Variants in ELMO1 observed in about 807,000 individuals in gnomAD.
ELMO1 encodes the protein engulfment and cell motility 1, also known as engulfment and cell motility protein 1.
Under a neutral mutation model 98.9 loss-of-function variants are expected in ELMO1, and 26 were observed. That is an observed-to-expected ratio of 0.26 (90% CI 0.19 to 0.36). ELMO1 has a LOEUF of 0.36. Among genes scored for constraint, ELMO1 ranks in the 10% least tolerant of loss-of-function variants. The pLI, the probability that ELMO1 is intolerant of heterozygous loss-of-function variation, is 1.00. For synonymous variants in ELMO1, 346 were observed against 346.0 expected (o/e 1.00, Z 0.00); for missense variants, 627 against 935.2 (o/e 0.67, Z 4.30).
chr7:37,033,625 G>T (rs142381154), intron 15 of ELMO1, among the ~76,000 whole-genome samples: 1 of 152,308 alleles, frequency 6.6e-6, no homozygotes, highest in African/African-American at 2.4e-5. Context: ...AATATCTGAT[G>T]AAATGAGGCA....
chr7:36,875,709 G>C (rs1051474400), intron 19 of ELMO1, among the ~76,000 whole-genome samples: 1 of 152,116 alleles, frequency 6.6e-6, no homozygotes, highest in Non-Finnish European at 1.5e-5. Context: ...TCTAGTTCCA[G>C]GTTAGTTATT....
chr7:37,094,401 C>T (rs1228136124), intron 15 of ELMO1, among the ~76,000 whole-genome samples: 1 of 152,196 alleles, frequency 6.6e-6, no homozygotes, highest in African/African-American at 2.4e-5. Flanking sequence ...GCCCTGATTC[C>T]TGGATTGACC....
At chr7:36,910,438 G>T (rs182408421) in intron 16 of ELMO1, among the ~76,000 whole-genome samples, 2 of 152,180 alleles carry the variant, frequency 1.3e-5, no homozygotes, top group Admixed American at 1.3e-4. Context: ...TGCAGGATGG[G>T]TATAATCTCA....
chr7:37,141,044 GGAAAA>G (rs1282674291), intron 13 of ELMO1, among the ~76,000 whole-genome samples: 3 of 152,124 alleles, frequency 2.0e-5, no homozygotes, highest in African/African-American at 7.2e-5. Flanking sequence ...TTTACCCAGA[GGAAAA>G]GAAGTCATTA....
intron 14 of ELMO1, among the ~76,000 whole-genome samples, chr7:37,100,823 A>T (rs1784598520): frequency 6.6e-6 from 1 of 152,246 alleles, no homozygotes; most frequent in Admixed American, 6.5e-5. Context: ...CAAAGCAGCT[A>T]TGAGAAGCAC....
chr7:37,279,045 C>CA (rs1458405434), intron 4 of ELMO1, among the ~76,000 whole-genome samples: 1 of 151,838 alleles, frequency 6.6e-6, no homozygotes, highest in Non-Finnish European at 1.5e-5. Context: ...AATAAAAACA[C>CA]AAAAAAATTA....
At chr7:37,104,010 C>CAAA (rs35979251) in intron 14 of ELMO1, among the ~76,000 whole-genome samples, 678 of 28,988 alleles carry the variant, frequency 0.023, 167 homozygotes, top group Non-Finnish European at 0.035. Context: ...GACTCCATCT[C>CAAA]AAAAAAAAAA....
chr7:37,338,420 A>G (rs1022320483), intron 2 of ELMO1, among the ~76,000 whole-genome samples: 1 of 152,186 alleles, frequency 6.6e-6, no homozygotes, highest in African/African-American at 2.4e-5. Context: ...ATTTATGAGG[A>G]ACAAGCCCTC....
chr7:37,367,791 G>C (rs1012601743), intron 1 of ELMO1, among the ~76,000 whole-genome samples: 2 of 151,970 alleles, frequency 1.3e-5, no homozygotes, highest in African/African-American at 4.8e-5. Context: ...ACCCAAATGA[G>C]GTAATTTGCA....
chr7:37,118,039 T>G (rs1785719761), intron 14 of ELMO1, among the ~76,000 whole-genome samples: 1 of 152,234 alleles, frequency 6.6e-6, no homozygotes, highest in Non-Finnish European at 1.5e-5. Context: ...CAAAAAACTG[T>G]TGTGCACTAA....
At chr7:37,020,596 T>G (rs1794210162) in intron 15 of ELMO1, among the ~76,000 whole-genome samples, 1 of 152,224 alleles carries the variant, frequency 6.6e-6, no homozygotes, top group Non-Finnish European at 1.5e-5. Flanking sequence ...AGGAATTTTC[T>G]AAAGACAAAT....
intron 4 of ELMO1, among the ~76,000 whole-genome samples, chr7:37,278,113 C>CTTTTTTTTTTTTTTT (rs36110041): frequency 2.3e-5 from 2 of 85,610 alleles, no homozygotes; most frequent in Non-Finnish European, 4.2e-5. Context: ...ATAGCTTTTC[C>CTTTTTTTTTTTTTTT]TTTTTTTTTT....
chr7:37,434,267 A>C (rs1457213516), intron 1 of ELMO1, among the ~76,000 whole-genome samples: 1 of 152,108 alleles, frequency 6.6e-6, no homozygotes, highest in Non-Finnish European at 1.5e-5. Flanking sequence ...TTCTTGAAAG[A>C]AAAGAAAAGT....
At chr7:37,221,496 A>G (rs1793593228) in intron 10 of ELMO1, among the ~76,000 whole-genome samples, 1 of 152,130 alleles carries the variant, frequency 6.6e-6, no homozygotes, top group Admixed American at 6.5e-5. Flanking sequence ...CCAGGGTAAC[A>G]TATTACATGA....
At chr7:37,242,817 A>G (rs555764015) in intron 7 of ELMO1, among the ~76,000 whole-genome samples, 147 of 152,266 alleles carry the variant, frequency 9.7e-4, no homozygotes, top group African/African-American at 3.2e-3. Flanking sequence ...TGCAGTCCCA[A>G]ACTACATCTT....
intron 1 of ELMO1, among the ~76,000 whole-genome samples, chr7:37,357,250 T>C (rs909008003): frequency 6.6e-6 from 1 of 152,238 alleles, no homozygotes; most frequent in South Asian, 2.1e-4. Flanking sequence ...TATATAAAAC[T>C]TATATTAAAT....
intron 13 of ELMO1, among the ~76,000 whole-genome samples, chr7:37,209,706 T>G (rs1792846292): frequency 6.6e-6 from 1 of 152,262 alleles, no homozygotes; most frequent in Admixed American, 6.5e-5. Context: ...AGGTAGAAAG[T>G]GAGTCCCATC....
intron 19 of ELMO1, among the ~76,000 whole-genome samples, chr7:36,872,314 A>G (rs757760520): frequency 4.6e-5 from 7 of 152,150 alleles, no homozygotes; most frequent in Non-Finnish European, 8.8e-5. Flanking sequence ...CTAGGGTTGG[A>G]AATAAACAGA....
intron 14 of ELMO1, among the ~76,000 whole-genome samples, chr7:37,108,735 G>A (rs982879245): frequency 2.0e-5 from 3 of 152,182 alleles, no homozygotes; most frequent in Non-Finnish European, 4.4e-5. Context: ...CATTGCAGCA[G>A]AGTTGCACAT....
Sources: gnomAD v4.1 joint callset for allele counts (sites outside exome capture counted in the v4.1 genomes callset) on GRCh38, gnomAD v4.1.1 for gene constraint, MANE v1.5 for transcripts, NCBI Gene and HGNC (gene_info 2026-07-23, HGNC 2026-07-21) for gene names.